Variants in NUP98 observed in about 807,000 individuals in gnomAD.
NUP98 encodes nucleoporin 98 and 96 precursor.
In NUP98, 26 loss-of-function variants were observed where a neutral mutation model predicts 191.9. The observed-to-expected ratio is 0.14, with a 90% CI of 0.10 to 0.19. NUP98 has a LOEUF of 0.19. Among genes scored for constraint, NUP98 ranks in the 10% least tolerant of loss-of-function variants. NUP98 has a pLI of 1.00. For synonymous variants in NUP98, 808 were observed against 778.4 expected, an observed-to-expected ratio of 1.04 and a Z score of -0.63; for missense variants, 1,941 against 2,178.8, an observed-to-expected ratio of 0.89 and a Z score of 2.17.
chr11:3,763,187 A>C (rs2081231177), intron 8 of NUP98, 148 bp from the exon 9 acceptor site: 1 of 731,472 alleles, frequency 1.4e-6, no homozygotes, highest in Admixed American at 3.2e-5. Context: ...CCTTCAAAAC[A>C]ACCCTGAAAA....
At chr11:3,733,572 A>G (rs1381402210) in intron 13 of NUP98, among the ~76,000 whole-genome samples, 6 of 152,282 alleles carry the variant, frequency 3.9e-5, no homozygotes, top group African/African-American at 1.4e-4. Context: ...TCGGCCTCCC[A>G]AAGTGCTGGG....
chr11:3,773,625 T>C lies in NUP98; in HGVS notation c.603+7A>G, dbSNP rs781328545. On this transcript the variant is annotated splice_region_variant and intron_variant, in intron 6 of 32. Coordinates refer to ENST00000324932, the MANE Select transcript of NUP98 (RefSeq NM_016320.5). Reference sequence around the variant, plus strand: ...TAGACTGACATTCTGTATTGTATTTTACTGACCTCTAGTGACTTGCTTTCA... The same window carrying C: ...TAGACTGACATTCTGTATTGTATTTCACTGACCTCTAGTGACTTGCTTTCA... The C allele has an allele frequency of 1.3e-6, 2 of 1,524,790 alleles. No individual in the cohort carries two copies. The highest frequency in any genetic ancestry group is 2.3e-5 in the South Asian group (2 of 86,816). 94.5% of individuals were successfully genotyped at this position (1,524,790 alleles called of 1,614,324 possible).
In NUP98 at chr11:3,702,527, C is replaced by G. The variant is rs775968781; in HGVS notation, c.3448G>C (p.Glu1150Gln). 29 of 1,613,980 alleles carry G rather than the reference C, an allele frequency of 1.8e-5. No homozygotes were observed. Among genetic ancestry groups the G allele is most frequent in the Non-Finnish European group, 2.3e-5 (27 of 1,180,032 alleles). Residue 1150 changes from glutamate (E) to glutamine (Q), a missense_variant, in exon 23 of 33, where the codon GAA (glutamate) becomes CAA (glutamine). By Grantham distance (29) the Glu-to-Gln change is conservative. This residue lies in a region of NUP98 where 1,030 missense variants were observed against 1,115.8 expected (regional missense o/e 0.92). Transcript: ENST00000324932. Reference protein sequence around the residue: ...GEQLNGSHELENHQIADSMEF... With the variant: ...GEQLNGSHELQNHQIADSMEF... Reference sequence around the variant, plus strand: ...ATGGAATCGGCAATCTGATGATTTTCTAGTTCATGAGAGCCATTCAGCTGT... The same window carrying G: ...ATGGAATCGGCAATCTGATGATTTTGTAGTTCATGAGAGCCATTCAGCTGT...
At chr11:3,739,713 T>C (rs1199845700) in intron 12 of NUP98, among the ~76,000 whole-genome samples, 2 of 152,018 alleles carry the variant, frequency 1.3e-5, no homozygotes, top group East Asian at 3.9e-4. Flanking sequence ...AATGAACACA[T>C]GAGAAAATCT....
intron 14 of NUP98, among the ~76,000 whole-genome samples, chr11:3,729,715 CAAA>C (rs755816362): frequency 1.3e-3 from 47 of 37,400 alleles, no homozygotes; most frequent in East Asian, 3.1e-3. Flanking sequence ...ACTCTTGCCT[CAAA>C]AAAAAAAAAA....
At chr11:3,740,512 G>A (rs1030460633) in intron 12 of NUP98, among the ~76,000 whole-genome samples, 4 of 148,138 alleles carry the variant, frequency 2.7e-5, no homozygotes, top group Middle Eastern at 3.4e-3. Flanking sequence ...GCAAGACTCT[G>A]TCTCAAAAAA....
chr11:3,762,682 T>C (rs147205790), intron 9 of NUP98, among the ~76,000 whole-genome samples: 1 of 152,284 alleles, frequency 6.6e-6, no homozygotes, highest in East Asian at 1.9e-4. Flanking sequence ...GCAAAGAAAT[T>C]TTAAAAGGGA....
chr11:3,786,126 T>C (rs1309095127), intron 1 of NUP98, among the ~76,000 whole-genome samples: 1 of 152,248 alleles, frequency 6.6e-6, no homozygotes, highest in Non-Finnish European at 1.5e-5. Flanking sequence ...AAGAATCTAT[T>C]TGCCCAAGAC....
At chr11:3,697,402 C>A (rs973323055) in intron 25 of NUP98, 1 of 152,204 alleles carries the variant, frequency 6.6e-6, no homozygotes, top group Non-Finnish European at 1.5e-5. Context: ...CAAAATAAAT[C>A]CAGTCGATGG....
intron 14 of NUP98, among the ~76,000 whole-genome samples, chr11:3,727,406 C>T (rs1266284070): frequency 6.6e-6 from 1 of 152,018 alleles, no homozygotes; most frequent in Non-Finnish European, 1.5e-5. Flanking sequence ...AAAGTTAATC[C>T]TACAAGCAAG....
intron 25 of NUP98, among the ~76,000 whole-genome samples, chr11:3,697,820 TAAAAAA>T (rs199874258): frequency 0.013 from 1,254 of 97,158 alleles, 20 homozygotes; most frequent in African/African-American, 0.038. Flanking sequence ...GACTCTGTCT[TAAAAAA>T]AAAAAAAAAA....
At chr11:3,736,076 TTG>T (rs34834363) in intron 12 of NUP98, among the ~76,000 whole-genome samples, 143 of 129,508 alleles carry the variant, frequency 1.1e-3, no homozygotes, top group African/African-American at 3.6e-3. Context: ...ACAGCTAATT[TTG>T]TGTGTGTGTG....
chr11:3,732,163 G>A (rs1003464132), intron 13 of NUP98, among the ~76,000 whole-genome samples: 2 of 152,106 alleles, frequency 1.3e-5, no homozygotes, highest in East Asian at 1.9e-4. Flanking sequence ...CATGGGAATC[G>A]CTTGAACCCA....
chr11:3,751,125 G>A (rs1198089047), intron 11 of NUP98, among the ~76,000 whole-genome samples: 2 of 152,086 alleles, frequency 1.3e-5, no homozygotes, highest in East Asian at 1.9e-4. Flanking sequence ...TTGGGAGGCC[G>A]AGGCGGGCAG....
chr11:3,749,970 T>C (rs7111312), intron 11 of NUP98, among the ~76,000 whole-genome samples: 28,175 of 152,222 alleles, frequency 0.19, 2,735 homozygotes, highest in Non-Finnish European at 0.22. Context: ...AATTCCAATT[T>C]GATGTATCAA....
intron 8 of NUP98, among the ~76,000 whole-genome samples, chr11:3,763,646 T>A (rs1423308418): frequency 6.6e-6 from 1 of 152,116 alleles, no homozygotes; most frequent in Non-Finnish European, 1.5e-5. Flanking sequence ...CAGCCTCTGT[T>A]CAAGTGATTC....
chr11:3,761,652 G>C (rs186733112), intron 9 of NUP98, among the ~76,000 whole-genome samples: 1 of 152,156 alleles, frequency 6.6e-6, no homozygotes, highest in East Asian at 1.9e-4. Context: ...CCAGCTACTC[G>C]GGAGGCTGAG....
intron 4 of NUP98, 135 bp from the exon 5 acceptor site, chr11:3,776,156 C>G (rs2081720352): frequency 3.2e-6 from 2 of 634,200 alleles, no homozygotes; most frequent in Non-Finnish European, 2.7e-6. Flanking sequence ...GGGTCTTGCT[C>G]TGTCTCCTAG....
Position 3,735,338 on chromosome 11 carries a change from AAAAAG to A in NUP98, c.1409-19_1409-15del. On this transcript the variant is annotated splice_polypyrimidine_tract_variant and intron_variant, in intron 12 of 32. Coordinates refer to ENST00000324932, the MANE Select transcript of NUP98 (RefSeq NM_016320.5). ...GATCTGTCAAAGCTTTTAAAAAAAA[AAAAAG>A]AAAACAAAATATATATATATATATA... 1 of 1,424,308 alleles carries A rather than the reference AAAAAG, an allele frequency of 7.0e-7. No homozygotes were observed. Among genetic ancestry groups the A allele is most frequent in the South Asian group, 1.7e-5 (1 of 58,314 alleles). 88.2% of individuals were successfully genotyped at this position (1,424,308 alleles called of 1,614,324 possible). A position where few individuals can be genotyped will look rare whatever the true frequency, so the allele number is the denominator to read the frequency against.
Sources: allele counts gnomAD v4.1 joint callset (sites outside exome capture counted in the v4.1 genomes callset), GRCh38; gene constraint gnomAD v4.1.1; regional missense constraint gnomAD v4.1.1; transcripts MANE v1.5; gene names NCBI Gene and HGNC (gene_info 2026-07-23, HGNC 2026-07-21).